PEX6: variants seen among roughly 807,000 people sequenced by gnomAD.
The protein encoded by PEX6 is peroxisome biogenesis factor 6.
Under a neutral mutation model 85.6 loss-of-function variants are expected in PEX6, and 55 were observed. That is an observed-to-expected ratio of 0.64 (90% CI 0.52 to 0.80). The LOEUF is 0.80. Among genes scored for constraint, PEX6 ranks in the 30% least tolerant of loss-of-function variants. The pLI is 0.00. For synonymous variants in PEX6, 519 were observed against 549.1 expected (o/e 0.95, Z 0.77); for missense variants, 1,099 against 1,260.3 (o/e 0.87, Z 1.94).
Position 42,966,104 on chromosome 6 carries a change from C to G in PEX6, c.2302G>C (p.Val768Leu). ...ATECSLTFLS[V>L]KGPELINMYV... ...ATGTTAATGAGCTCTGGCCCCTTCA[C>G]GCTGAGTGAGAGGATGTGAGAAGGT... is the stretch of plus-strand genomic sequence containing the variant. Residue 768 changes from valine to leucine, a missense_variant and splice_region_variant, in exon 12 of 17, where the codon GTG (valine) becomes CTG (leucine). Physicochemically the swap from Val to Leu is conservative, Grantham distance 32. Transcript: ENST00000304611. The G allele has an allele frequency of 1.2e-6, 2 of 1,614,166 alleles. No individual in the cohort carries two copies. The highest frequency in any genetic ancestry group is 2.2e-5 in the East Asian group (1 of 44,884).
At chr6:42,966,126 AG>A in intron 11 of PEX6, 21 bp from the exon 12 acceptor site, 1 of 1,614,006 alleles carries the variant, frequency 6.2e-7, no homozygotes, top group Non-Finnish European at 8.5e-7. Context: ...GGATGTGAGA[AG>A]GTGAGAGCCG....
chr6:42,964,803 A>G lies in PEX6; in HGVS notation c.2793T>C (p.His931=), dbSNP rs1309071919. ...AMTAALKRRV[H]DLEEGLEPGS... is the part of the protein sequence containing the mutation. ...CAAGTGGCTCACCTTCCTCCAGGTC[A>G]TGAACCCTGCGTTTGAGGGCAGCTG... Residue 931 remains histidine, a synonymous_variant, in exon 16 of 17, where the codon CAT becomes CAC. Transcript: ENST00000304611. This position sits in a 1 kb window ranked among gnomAD's most constrained non-coding sequence, Gnocchi z 4.6. 2 of 1,614,046 alleles carry G rather than the reference A, an allele frequency of 1.2e-6. No individual in the cohort carries two copies. Among genetic ancestry groups the G allele is most frequent in the East Asian group, 2.2e-5 (1 of 44,868 alleles).
chr6:42,979,132 G>T lies in PEX6; in HGVS notation c.19C>A (p.Arg7=), dbSNP rs1217791583. The change falls in exon 1 of 17, where the codon CGG becomes AGG. Residue 7 remains arginine (R), a synonymous_variant. Transcript: ENST00000304611. ...TCGGTCGGAAAGGGCTCCAGGACCC[G>T]CAAGACAGCCAGCGCCATGGTGACA... is the stretch of plus-strand genomic sequence containing the variant. The part of the protein sequence containing the change: MALAVL[R]VLEPFPTETP... 1.5e-5 allele frequency: 24 copies of T among 1,576,806 alleles called. No individual in the cohort carries two copies. The highest frequency in any genetic ancestry group is 2.0e-5 in the Non-Finnish European group (23 of 1,170,140).
At chr6:42,968,667 T>G (rs1193319554) in intron 6 of PEX6, among the ~76,000 whole-genome samples, 169 bp from the exon 7 acceptor site, 1 of 152,216 alleles carries the variant, frequency 6.6e-6, no homozygotes, top group African/African-American at 2.4e-5. Context: ...TCCCATTCCC[T>G]GGACTGTCCA....
At chr6:42,976,440 G>A (rs1335691291) in intron 1 of PEX6, among the ~76,000 whole-genome samples, 2 of 152,054 alleles carry the variant, frequency 1.3e-5, no homozygotes, top group African/African-American at 4.8e-5. Context: ...TGGGTTCACT[G>A]CAACTGCCAC....
At position 42,978,479 on chromosome 6, in the gene PEX6, C is replaced by G. The variant is rs1264955451; in HGVS notation, c.672G>C (p.Trp224Cys). Reference protein sequence around the residue: ...GLGLFQGEWVWVAQARESSNT... With the variant: ...GLGLFQGEWVCVAQARESSNT... ...TCGATGACTCTCTGGCCTGGGCCACCCACACCCATTCGCCCTGGAAGAGGC... is the reference window on the plus strand; with the variant it reads ...TCGATGACTCTCTGGCCTGGGCCACGCACACCCATTCGCCCTGGAAGAGGC... The change falls in exon 1 of 17, where the codon TGG (tryptophan) becomes TGC (cysteine). Residue 224 changes from tryptophan (W) to cysteine (C), a missense_variant. By Grantham distance (215) the Trp-to-Cys change is radical (BLOSUM62 -2). Coordinates refer to ENST00000304611, the MANE Select transcript of PEX6 (RefSeq NM_000287.4). 6.2e-7 allele frequency: 1 copy of G among 1,614,182 alleles called. No homozygotes were observed. Among genetic ancestry groups the G allele is most frequent in the Non-Finnish European group, 8.5e-7 (1 of 1,180,038 alleles).
In PEX6 at chr6:42,969,973, A is replaced by C. The variant is rs762401493; in HGVS notation, c.1145T>G (p.Phe382Cys). The change falls in exon 4 of 17, where the codon TTT becomes TGT. Residue 382 changes from phenylalanine (F) to cysteine (C), a missense_variant. By Grantham distance (205) the Phe-to-Cys change is radical (BLOSUM62 -2). Around this residue, in one of 3 missense-constraint regions of PEX6, gnomAD observed 579 missense variants for 611.6 expected, o/e 0.95. Coordinates refer to ENST00000304611, the MANE Select transcript of PEX6 (RefSeq NM_000287.4). ...CCCAACTGTTTTCTTCACTTTAAAAAACATTTCCCGCCACCTGCAGGAAAA... is the reference window on the plus strand; with the variant it reads ...CCCAACTGTTTTCTTCACTTTAAAACACATTTCCCGCCACCTGCAGGAAAA... ...PEKLPRWREM[F>C]FKVKKTVGEA... 6.2e-6 allele frequency: 10 copies of C among 1,614,196 alleles called. No individual in the cohort carries two copies. In the Admixed American group the frequency reaches 1.7e-4, roughly 27 times the overall value.
chr6:42,978,882 GC>G lies in PEX6; in HGVS notation c.268del (p.Ala90ProfsTer14). ...CCGCACCGCCCGCGCCCGCACCCAG[GC>G]CCCGGAGCCCAGTGCCAGGAGCCGC... ...LLRLLALGSG[A>X]WVRARAVRRP... On this transcript the variant is annotated frameshift_variant, in exon 1 of 17. Coordinates refer to ENST00000304611, the MANE Select transcript of PEX6 (RefSeq NM_000287.4). LOFTEE classifies it high-confidence loss of function. 1 of 1,487,532 alleles carries G rather than the reference GC, an allele frequency of 6.7e-7. No individual in the cohort carries two copies. The highest frequency in any genetic ancestry group is 8.9e-7 in the Non-Finnish European group (1 of 1,127,850). The allele number at this position is 1,487,532 out of a possible 1,614,324, so 92.1% of individuals were successfully genotyped here. A position where few individuals can be genotyped will look rare whatever the true frequency, so the allele number is the denominator to read the frequency against.
In PEX6 at chr6:42,966,234, C is replaced by T. The variant is rs1020873347; in HGVS notation, c.2300+8G>A. Reference sequence around the variant, plus strand: ...CCACCCACCATCCCTTCCAGGCCCCCTGGCCACCTGAGGAAGGTAAGGCTG... The same window carrying T: ...CCACCCACCATCCCTTCCAGGCCCCTTGGCCACCTGAGGAAGGTAAGGCTG... On this transcript the variant is annotated splice_region_variant and intron_variant, in intron 11 of 16. Transcript: ENST00000304611. The T allele has an allele frequency of 1.9e-6, 3 of 1,611,854 alleles. No individual in the cohort carries two copies. The highest frequency in any genetic ancestry group is 2.5e-6 in the Non-Finnish European group (3 of 1,179,812).
In PEX6 at chr6:42,964,314, G is replaced by A. The variant is rs1769631891; in HGVS notation, c.*21C>T. The A allele has an allele frequency of 6.2e-7, 1 of 1,613,206 alleles. No homozygotes were observed. Among genetic ancestry groups the A allele is most frequent in the Non-Finnish European group, 8.5e-7 (1 of 1,179,814 alleles). On this transcript the variant is annotated 3_prime_UTR_variant, in exon 17 of 17. Coordinates refer to ENST00000304611, the MANE Select transcript of PEX6 (RefSeq NM_000287.4). The surrounding 1 kb of genome is among the most constrained non-coding windows in gnomAD (Gnocchi z 4.6). ...GGTACCTGCAGCCATGCTGAGCGGG[G>A]TCCCAGACCCTGGGGGGCTCCTAGC...
chr6:42,968,418 A>G lies in PEX6; in HGVS notation c.1560T>C (p.Arg520=). The stretch of plus-strand genomic sequence containing the variant: ...TGAGCAACAGGACTGCAGGCCGGCA[A>G]CGGCGGGCCCGGGAGAAGATGGCCT... ...KLQAIFSRAR[R]CRPAVLLLTA... The change falls in exon 7 of 17, where the codon CGT becomes CGC. Residue 520 remains arginine, a synonymous_variant. Coordinates refer to ENST00000304611, the MANE Select transcript of PEX6 (RefSeq NM_000287.4). 6.2e-7 allele frequency: 1 copy of G among 1,613,642 alleles called. No individual in the cohort carries two copies. Among genetic ancestry groups the G allele is most frequent in the Middle Eastern group, 1.6e-4 (1 of 6,062 alleles).
chr6:42,968,384 C>A lies in PEX6; in HGVS notation c.1594G>T (p.Asp532Tyr). The change falls in exon 7 of 17, where the codon GAC (aspartate) becomes TAC (tyrosine). Residue 532 changes from aspartate (D) to tyrosine (Y), a missense_variant. Asp to Tyr is a radical substitution (Grantham distance 160). This residue lies in a region of PEX6 where 514 missense variants were observed against 627.0 expected (regional missense o/e 0.82). Coordinates refer to ENST00000304611, the MANE Select transcript of PEX6 (RefSeq NM_000287.4). ...CCATCACGGTCCCGGCCCAGAAGGTCCACAGCTGTGAGCAACAGGACTGCA... is the reference window on the plus strand; with the variant it reads ...CCATCACGGTCCCGGCCCAGAAGGTACACAGCTGTGAGCAACAGGACTGCA... Reference protein sequence around the residue: ...RPAVLLLTAVDLLGRDRDGLG... With the variant: ...RPAVLLLTAVYLLGRDRDGLG... 6.2e-7 allele frequency: 1 copy of A among 1,614,144 alleles called. No homozygotes were observed. Among genetic ancestry groups the A allele is most frequent in the Non-Finnish European group, 8.5e-7 (1 of 1,180,042 alleles).
Position 42,966,766 on chromosome 6 carries a change from G to A in PEX6, c.1961+16C>T, listed in dbSNP as rs750098197. On this transcript the variant is annotated intron_variant, in intron 9 of 16. Transcript: ENST00000304611. ...CATTTCCTCTTTCCGCCTTTCCGGT[G>A]CCCACGTCCTCTTACCCTGAGTTCT... The A allele has an allele frequency of 1.2e-6, 2 of 1,613,766 alleles. No homozygotes were observed. Among genetic ancestry groups the A allele is most frequent in the East Asian group, 4.5e-5 (2 of 44,856 alleles).
chr6:42,968,561 A>G, intron 6 of PEX6, 63 bp from the exon 7 acceptor site: 1 of 1,403,822 alleles, frequency 7.1e-7, no homozygotes, highest in Non-Finnish European at 9.8e-7. Context: ...CAGGAGAATC[A>G]GGGGAGGAGG....
rs988399768 is a variant in PEX6 at position 42,971,063 on chromosome 6, A to T, written c.1131-1076T>A. Among the ~76,000 whole-genome samples, 2 of 152,136 alleles carry T rather than the reference A, an allele frequency of 1.3e-5. No individual in the cohort carries two copies. Among genetic ancestry groups the T allele is most frequent in the African/African-American group, 4.8e-5 (2 of 41,424 alleles). ...GTCAGGCTATAACCTAGTCCTCTTT[A>T]AGGTCCAATCAGGCTGCAAATTCCT... is the stretch of plus-strand genomic sequence containing the variant. On this transcript the variant is annotated intron_variant, in intron 3 of 16. Transcript: ENST00000304611. The surrounding 1 kb of genome is among the most constrained non-coding windows in gnomAD (Gnocchi z 4.4).
At position 42,971,711 on chromosome 6, in the gene PEX6, C is replaced by T. The variant is rs1458493509; in HGVS notation, c.1131-1724G>A. 6.6e-6 allele frequency among the ~76,000 whole-genome samples: 1 copy of T among 152,254 alleles called. No homozygotes were observed. Among genetic ancestry groups the T allele is most frequent in the African/African-American group, 2.4e-5 (1 of 41,464 alleles). On this transcript the variant is annotated intron_variant, in intron 3 of 16. Coordinates refer to ENST00000304611, the MANE Select transcript of PEX6 (RefSeq NM_000287.4). The surrounding 1 kb of genome is among the most constrained non-coding windows in gnomAD (Gnocchi z 4.4). ...GGCCACTTACTCCAACCCTGCTTTC[C>T]TTGCGGGGAAAAGAACTATGTGCTC...
In PEX6 at chr6:42,979,076, G is replaced by A. The variant is rs1189384100; in HGVS notation, c.75C>T (p.Pro25=). The A allele has an allele frequency of 1.9e-6, 3 of 1,543,598 alleles. No homozygotes were observed. The African/African-American group carries it at 4.1e-5, about 21-fold the overall frequency. ...ETPPLAVLLP[P]GGPWPAAELG... is the part of the protein sequence containing the mutation. ...GCTCCGCCGCCGGCCACGGGCCCCC[G>A]GGTGGCAGCAGCACTGCCAACGGGG... Residue 25 remains proline, a synonymous_variant, in exon 1 of 17, where the codon CCC becomes CCT. Transcript: ENST00000304611.
Position 42,966,091 on chromosome 6 carries a change from T to C in PEX6, c.2315A>G (p.Glu772Gly). ...SLTFLSVKGP[E>G]LINMYVGQSE... ...TTGGCCCACATACATGTTAATGAGC[T>C]CTGGCCCCTTCACGCTGAGTGAGAG... Residue 772 changes from glutamate (E) to glycine (G), a missense_variant, in exon 12 of 17, where the codon GAG (glutamate) becomes GGG (glycine). Glu to Gly is a moderately conservative substitution (Grantham distance 98, BLOSUM62 -2). Transcript: ENST00000304611. 1 of 1,614,146 alleles carries C rather than the reference T, an allele frequency of 6.2e-7. No homozygotes were observed. The highest frequency in any genetic ancestry group is 8.5e-7 in the Non-Finnish European group (1 of 1,180,024).
intron 2 of PEX6, among the ~76,000 whole-genome samples, chr6:42,974,440 ATGTTTTTTTTGTTTT>A (rs1427747109): frequency 3.3e-4 from 31 of 94,070 alleles, no homozygotes; most frequent in African/African-American, 1.5e-3. Flanking sequence ...TCTGTCTGAA[ATGTTTTTTTTGTTTT>A]TTTTTTTTTT....
Sources: allele counts gnomAD v4.1 joint callset (sites outside exome capture counted in the v4.1 genomes callset), GRCh38; gene constraint gnomAD v4.1.1; regional missense constraint gnomAD v4.1.1; non-coding constraint Gnocchi (gnomAD v3.1); transcripts MANE v1.5; gene names NCBI Gene and HGNC (gene_info 2026-07-23, HGNC 2026-07-21).